The following DLG2 variants were observed in gnomAD, a reference collection of about 807,000 sequenced individuals.
DLG2 encodes disks large homolog 2.
Under a neutral mutation model 132.5 loss-of-function variants are expected in DLG2, and 45 were observed. The observed-to-expected ratio is 0.34, with a 90% CI of 0.27 to 0.44. The LOEUF (loss-of-function observed/expected upper bound fraction) is 0.44, where lower values mean the gene tolerates loss of function less well. DLG2 is among the 20% of genes least tolerant of loss of function. The pLI, the probability that DLG2 is intolerant of heterozygous loss-of-function variation, is 1.00. For missense variants in DLG2, 1,045 were observed against 1,196.9 expected (o/e 0.87, Z 1.87); for synonymous variants, 424 against 419.6 (o/e 1.01, Z -0.13).
At chr11:84,533,771 A>C (rs1352542759) in intron 7 of DLG2, among the ~76,000 whole-genome samples, 4 of 151,964 alleles carry the variant, frequency 2.6e-5, no homozygotes, top group African/African-American at 9.7e-5. Context: ...CTAAGGAGTT[A>C]ATTGGTAGGT....
At chr11:83,747,326 T>TCCTG (rs748034140) in intron 18 of DLG2, among the ~76,000 whole-genome samples, 9 of 97,068 alleles carry the variant, frequency 9.3e-5, no homozygotes, top group Admixed American at 2.0e-4. Context: ...CTTCCTTCCT[T>TCCTG]CCTGCCTTCC....
chr11:85,098,065 A>G (rs991023642), intron 6 of DLG2, among the ~76,000 whole-genome samples: 4 of 152,240 alleles, frequency 2.6e-5, no homozygotes, highest in Admixed American at 6.5e-5. Flanking sequence ...AAACAACACT[A>G]TAAATCATAA....
intron 6 of DLG2, among the ~76,000 whole-genome samples, chr11:84,918,853 T>G (rs2092622731): frequency 6.6e-6 from 1 of 152,112 alleles, no homozygotes; most frequent in South Asian, 2.1e-4. Flanking sequence ...GAAAAGAAGC[T>G]GAGTGAATAA....
chr11:83,658,708 G>A (rs1469204150), intron 18 of DLG2, among the ~76,000 whole-genome samples: 1 of 152,168 alleles, frequency 6.6e-6, no homozygotes, highest in Non-Finnish European at 1.5e-5. Flanking sequence ...TGGAAAAATA[G>A]CTTATCTTTT....
intron 6 of DLG2, among the ~76,000 whole-genome samples, chr11:85,019,700 T>C (rs1218576715): frequency 1.3e-5 from 2 of 152,118 alleles, no homozygotes; most frequent in East Asian, 3.9e-4. Flanking sequence ...TTCCCACCTA[T>C]GAGTGAGAAC....
At chr11:83,941,194 G>GAT (rs927478014) in intron 14 of DLG2, among the ~76,000 whole-genome samples, 2 of 152,070 alleles carry the variant, frequency 1.3e-5, no homozygotes, top group African/African-American at 4.8e-5. Flanking sequence ...ATTCATTGTT[G>GAT]ATTATTATTT....
intron 6 of DLG2, among the ~76,000 whole-genome samples, chr11:84,961,175 G>A (rs1191401438): frequency 6.7e-6 from 1 of 150,212 alleles, no homozygotes; most frequent in Non-Finnish European, 1.5e-5. Context: ...CTTGGTTGGT[G>A]CCCATCACGT....
chr11:85,337,294 G>A (rs1214649779), intron 3 of DLG2, among the ~76,000 whole-genome samples: 2 of 151,562 alleles, frequency 1.3e-5, no homozygotes, highest in East Asian at 1.9e-4. Flanking sequence ...GTATTGCCTA[G>A]GCTGGTCTCA....
At chr11:84,911,130 A>C (rs1417756599) in intron 6 of DLG2, among the ~76,000 whole-genome samples, 1 of 152,134 alleles carries the variant, frequency 6.6e-6, no homozygotes, top group Non-Finnish European at 1.5e-5. Context: ...CACATGTTAT[A>C]TTGTTTATGC....
At chr11:85,358,938 T>C (rs1032591558) in intron 3 of DLG2, among the ~76,000 whole-genome samples, 2 of 152,198 alleles carry the variant, frequency 1.3e-5, no homozygotes, top group African/African-American at 4.8e-5. Flanking sequence ...CCTAAGTTTT[T>C]TTCTCTTCAG....
chr11:84,264,621 T>G (rs1428762611), intron 7 of DLG2, among the ~76,000 whole-genome samples: 4 of 152,182 alleles, frequency 2.6e-5, no homozygotes, highest in Admixed American at 6.6e-5. Flanking sequence ...AGGCTGGGAC[T>G]CTCTCTTCTG....
intron 11 of DLG2, among the ~76,000 whole-genome samples, chr11:84,027,555 AT>A (rs1369902017): frequency 2.0e-5 from 3 of 152,130 alleles, no homozygotes; most frequent in African/African-American, 7.2e-5. Flanking sequence ...AATTAAATGA[AT>A]AATGGATAAA....
chr11:84,062,352 G>C (rs2096604747), intron 10 of DLG2, among the ~76,000 whole-genome samples: 1 of 152,164 alleles, frequency 6.6e-6, no homozygotes, highest in Non-Finnish European at 1.5e-5. Flanking sequence ...GAGTCAGTGA[G>C]AGCAGTAACT....
chr11:83,762,582 A>T lies in DLG2; in HGVS notation c.1825+24108T>A, dbSNP rs985515514. ...ACCTAAGTGTTGAGATTAAGTATTA[A>T]TTTTTTTTTTTTTTTTGAGACGGAG... On this transcript the variant is annotated intron_variant, in intron 18 of 27. Coordinates refer to ENST00000376104, the MANE Select transcript of DLG2 (RefSeq NM_001142699.3). Among the ~76,000 whole-genome samples the T allele has an allele frequency of 2.8e-5, 4 of 143,852 alleles. No homozygotes were observed. The East Asian group carries it at 6.1e-4, about 22-fold the overall frequency. The allele number at this position is 143,852 out of a possible 152,430, so 94.4% of individuals were successfully genotyped here.
chr11:84,412,258 C>T (rs1443188076), intron 7 of DLG2, among the ~76,000 whole-genome samples: 3 of 151,350 alleles, frequency 2.0e-5, no homozygotes, highest in African/African-American at 4.9e-5. Context: ...TGACTTTATT[C>T]CTTGCTATAG....
chr11:85,166,471 A>C (rs1472884158), intron 4 of DLG2, among the ~76,000 whole-genome samples: 1 of 152,012 alleles, frequency 6.6e-6, no homozygotes. Context: ...CCACTACCCA[A>C]ATTTCTTAAG....
At chr11:84,783,857 G>A (rs769725130) in intron 6 of DLG2, among the ~76,000 whole-genome samples, 1 of 151,958 alleles carries the variant, frequency 6.6e-6, no homozygotes, top group African/African-American at 2.4e-5. Flanking sequence ...ATTTAGCTCA[G>A]TAAACATATA....
At chr11:83,950,484 C>T (rs148294104) in intron 14 of DLG2, among the ~76,000 whole-genome samples, 157 of 152,254 alleles carry the variant, frequency 1.0e-3, no homozygotes, top group African/African-American at 3.6e-3. Context: ...ATCCTAGCTA[C>T]TTGGGAGGCT....
chr11:85,354,360 A>G (rs2152887411), intron 3 of DLG2, among the ~76,000 whole-genome samples: 1 of 152,258 alleles, frequency 6.6e-6, no homozygotes, highest in East Asian at 1.9e-4. Flanking sequence ...TTATTTATAT[A>G]TATAATCACT....
Sources: allele counts gnomAD v4.1 joint callset (sites outside exome capture counted in the v4.1 genomes callset), GRCh38; gene constraint gnomAD v4.1.1; transcripts MANE v1.5; gene names NCBI Gene and HGNC (gene_info 2026-07-23, HGNC 2026-07-21).